Variants in SLIT3 observed in about 807,000 individuals in gnomAD.
SLIT3 encodes slit guidance ligand 3, also known as slit homolog 3 protein.
In SLIT3, 68 loss-of-function variants were observed where a neutral mutation model predicts 184.0. The ratio of observed to expected loss-of-function variants is 0.37; its 90% confidence interval spans 0.30 to 0.45. SLIT3 has a LOEUF of 0.45. Ranked by LOEUF, SLIT3 falls within the 20% of genes least tolerant of loss-of-function variation. SLIT3 has a pLI of 1.00. For synonymous variants in SLIT3, 831 were observed against 828.6 expected (o/e 1.00, Z -0.05); for missense variants, 1,707 against 2,026.0 (o/e 0.84, Z 3.02).
At chr5:168,707,215 C>G (rs927825616) in intron 26 of SLIT3, 1 of 152,282 alleles carries the variant, frequency 6.6e-6, no homozygotes, top group Non-Finnish European at 1.5e-5. Context: ...TCTCCATATC[C>G]GTAAAAAGGG....
rs142888919 is a variant in SLIT3, at chr5:168,730,157, C to G, written c.2271-5673G>C. Among the ~76,000 whole-genome samples, 10 of 151,346 alleles carry G rather than the reference C, an allele frequency of 6.6e-5. No homozygotes were observed. The East Asian group carries it at 1.9e-3, about 29-fold the overall frequency. ...GGTCACTAGATAATGACAAAGGGAACAATTCAGCAAGAGGATGTAATAATC... is the reference window on the plus strand; with the variant it reads ...GGTCACTAGATAATGACAAAGGGAAGAATTCAGCAAGAGGATGTAATAATC... On this transcript the variant is annotated intron_variant, in intron 20 of 35. Transcript: ENST00000519560.
intron 4 of SLIT3, among the ~76,000 whole-genome samples, chr5:168,975,768 C>T (rs937251708): frequency 2.0e-5 from 3 of 152,186 alleles, no homozygotes; most frequent in Non-Finnish European, 4.4e-5. Flanking sequence ...CCTCACTCCA[C>T]CTCCTTCCGT....
chr5:168,852,541 C>T (rs990288797), intron 5 of SLIT3, among the ~76,000 whole-genome samples: 3 of 152,216 alleles, frequency 2.0e-5, no homozygotes, highest in East Asian at 1.9e-4. Flanking sequence ...GGACACAAAT[C>T]GGCACATCCT....
chr5:169,014,322 G>A (rs1009146225), intron 4 of SLIT3, among the ~76,000 whole-genome samples: 2 of 152,040 alleles, frequency 1.3e-5, no homozygotes, highest in African/African-American at 4.8e-5. Flanking sequence ...AAAATTTTCT[G>A]AACCAAAATT....
At chr5:169,115,075 G>T (rs760075489) in intron 4 of SLIT3, among the ~76,000 whole-genome samples, 3 of 152,190 alleles carry the variant, frequency 2.0e-5, no homozygotes, top group Non-Finnish European at 2.9e-5. Flanking sequence ...GGGGTCTCAT[G>T]AGCTGCCTGG....
chr5:168,791,191 G>A (rs1176381399), intron 10 of SLIT3: 8 of 146,604 alleles, frequency 5.5e-5, no homozygotes, highest in African/African-American at 1.9e-4. Flanking sequence ...CTGGACTAGC[G>A]GGAAGGCCTG....
chr5:168,736,542 C>G (rs962505041), intron 20 of SLIT3, among the ~76,000 whole-genome samples: 1 of 152,212 alleles, frequency 6.6e-6, no homozygotes, highest in East Asian at 1.9e-4. Flanking sequence ...AGGCTCTTCT[C>G]GGGCAGCAGC....
At chr5:169,192,469 A>G (rs770817534) in intron 4 of SLIT3, among the ~76,000 whole-genome samples, 13 of 151,790 alleles carry the variant, frequency 8.6e-5, no homozygotes, top group Non-Finnish European at 1.6e-4. Flanking sequence ...AGACATATAG[A>G]AATATATATT....
At chr5:168,777,476 T>C (rs567465793) in intron 12 of SLIT3, among the ~76,000 whole-genome samples, 10 of 152,332 alleles carry the variant, frequency 6.6e-5, no homozygotes, top group Non-Finnish European at 1.2e-4. Context: ...TCCTTCTCAC[T>C]CATCAGGTCT....
At chr5:168,794,046 T>C (rs1756479470) in intron 10 of SLIT3, among the ~76,000 whole-genome samples, 1 of 152,202 alleles carries the variant, frequency 6.6e-6, no homozygotes, top group Non-Finnish European at 1.5e-5. Context: ...TCCCAAGATC[T>C]GAGGGTAAAG....
At chr5:168,758,288 G>A (rs1452571487) in intron 16 of SLIT3, among the ~76,000 whole-genome samples, 1 of 152,174 alleles carries the variant, frequency 6.6e-6, no homozygotes, top group Non-Finnish European at 1.5e-5. Flanking sequence ...TCAAAACTGG[G>A]AGGATGAAAG....
chr5:168,767,955 G>A (rs1238915966), intron 14 of SLIT3, among the ~76,000 whole-genome samples: 1 of 152,098 alleles, frequency 6.6e-6, no homozygotes, highest in African/African-American at 2.4e-5. Context: ...AAAGAGATGT[G>A]GATACAGATC....
intron 1 of SLIT3, among the ~76,000 whole-genome samples, chr5:169,270,296 C>T (rs1766554877): frequency 6.6e-6 from 1 of 152,190 alleles, no homozygotes; most frequent in African/African-American, 2.4e-5. Context: ...ATAAATACAT[C>T]ACGCTCCATA....
intron 20 of SLIT3, among the ~76,000 whole-genome samples, chr5:168,729,417 GGAAACCCC>G (rs1289935516): frequency 6.6e-6 from 1 of 151,750 alleles, no homozygotes; most frequent in Non-Finnish European, 1.5e-5. Flanking sequence ...CATATACAAA[GGAAACCCC>G]TCAGACTAAC....
chr5:169,116,029 A>G (rs1388148139), intron 4 of SLIT3, among the ~76,000 whole-genome samples: 3 of 152,298 alleles, frequency 2.0e-5, no homozygotes, highest in Non-Finnish European at 2.9e-5. Context: ...CAGCTAGCCA[A>G]TGCTGATGGA....
chr5:168,743,595 C>T (rs1026645550), intron 20 of SLIT3, among the ~76,000 whole-genome samples: 3 of 152,204 alleles, frequency 2.0e-5, no homozygotes, highest in Non-Finnish European at 2.9e-5. Context: ...ATTGGGCCAA[C>T]TAATAACCCT....
intron 32 of SLIT3, among the ~76,000 whole-genome samples, chr5:168,679,221 G>A (rs763784236): frequency 6.6e-6 from 1 of 151,994 alleles, no homozygotes; most frequent in Non-Finnish European, 1.5e-5. Flanking sequence ...ACTATGCTTG[G>A]GTAATTTTTT....
intron 4 of SLIT3, among the ~76,000 whole-genome samples, chr5:169,134,141 C>T (rs947750739): frequency 2.0e-5 from 3 of 152,232 alleles, no homozygotes; most frequent in Non-Finnish European, 4.4e-5. Context: ...CCCTATTCCA[C>T]GCTTATCTGC....
At position 169,279,592 on chromosome 5, in the gene SLIT3, CTAACA is replaced by C. The variant is rs145503985; in HGVS notation, c.197+20916_197+20920del. Among the ~76,000 whole-genome samples, 393 of 152,178 alleles carry C rather than the reference CTAACA, an allele frequency of 2.6e-3. 2 individuals carry two copies. The highest frequency in any genetic ancestry group is 8.6e-3 in the African/African-American group (357 of 41,518). ...AAGTGCCAATTCCACAGGGTTCAAC[CTAACA>C]TAACATATTATGTAAATAATAATTT... is the stretch of plus-strand genomic sequence containing the variant. On this transcript the variant is annotated intron_variant, in intron 1 of 35. Coordinates refer to ENST00000519560, the MANE Select transcript of SLIT3 (RefSeq NM_003062.4).
Sources: allele counts gnomAD v4.1 joint callset (sites outside exome capture counted in the v4.1 genomes callset), GRCh38; gene constraint gnomAD v4.1.1; transcripts MANE v1.5; gene names NCBI Gene and HGNC (gene_info 2026-07-23, HGNC 2026-07-21).